The following PPP2R5E variants were observed in gnomAD, a reference collection of about 807,000 sequenced individuals.
The protein encoded by PPP2R5E is protein phosphatase 2 regulatory subunit B'epsilon.
PPP2R5E carries 4 observed loss-of-function variants against 65.3 expected under a neutral mutation model. That is an observed-to-expected ratio of 0.06 (90% confidence interval 0.03 to 0.14). The LOEUF is 0.14. PPP2R5E is among the 10% of genes least tolerant of loss of function. The pLI is 1.00. For missense variants in PPP2R5E, 274 were observed against 556.1 expected (o/e 0.49, Z 5.10); for synonymous variants, 183 against 187.4 (o/e 0.98, Z 0.19).
At chr14:63,449,868 TCCTA>T (rs1888710367) in intron 3 of PPP2R5E, among the ~76,000 whole-genome samples, 1 of 143,484 alleles carries the variant, frequency 7.0e-6, no homozygotes, top group Admixed American at 6.9e-5. Flanking sequence ...TCTTTTCTTT[TCCTA>T]TTTTTTTTTT....
intron 3 of PPP2R5E, among the ~76,000 whole-genome samples, chr14:63,446,242 T>C (rs956845265): frequency 3.9e-5 from 6 of 152,186 alleles, no homozygotes. Context: ...ACTCTCTCTA[T>C]TGAAGTCGAA....
chr14:63,470,259 A>G (rs1890048055), intron 2 of PPP2R5E, among the ~76,000 whole-genome samples: 1 of 152,060 alleles, frequency 6.6e-6, no homozygotes, highest in South Asian at 2.1e-4. Context: ...TTTTGTAAAG[A>G]CAGTGCTTCA....
chr14:63,508,100 C>T (rs1159399275), intron 2 of PPP2R5E: 11 of 973,054 alleles, frequency 1.1e-5, no homozygotes, highest in Non-Finnish European at 1.3e-5. Context: ...CCCTCCTTCC[C>T]ACCCCCACAC....
At chr14:63,497,228 G>A (rs1343769084) in intron 2 of PPP2R5E, among the ~76,000 whole-genome samples, 1 of 152,040 alleles carries the variant, frequency 6.6e-6, no homozygotes, top group Non-Finnish European at 1.5e-5. Context: ...ACGTATGACA[G>A]TATTTCCTTT....
intron 2 of PPP2R5E, among the ~76,000 whole-genome samples, chr14:63,483,634 G>A: frequency 6.6e-6 from 1 of 152,098 alleles, no homozygotes. Flanking sequence ...TCTGCTGTGG[G>A]GTCCAAGGGA....
rs181740390 is a variant in PPP2R5E, at chr14:63,443,683, A to G, written c.354+10006T>C. 5.3e-5 allele frequency among the ~76,000 whole-genome samples: 8 copies of G among 152,138 alleles called. No individual in the cohort carries two copies. In the East Asian group the frequency reaches 1.5e-3, roughly 29 times the overall value. On this transcript the variant is annotated intron_variant, in intron 3 of 13. Transcript: ENST00000337537. ...CCTACTTTCCACATCTAGGTCTCCCATAAGAACCTCAACATTAACTCATCG... is the reference window on the plus strand; with the variant it reads ...CCTACTTTCCACATCTAGGTCTCCCGTAAGAACCTCAACATTAACTCATCG...
rs553558617 is a variant in PPP2R5E, at chr14:63,527,459, C to T, written c.157+12070G>A. On this transcript the variant is annotated intron_variant, in intron 2 of 13. Coordinates refer to ENST00000337537, the MANE Select transcript of PPP2R5E (RefSeq NM_006246.5). ...AAAGGAACAAAAATCAACTAAAAGA[C>T]GTTAGTAAACATTTGCCATTGTGTA... Among the ~76,000 whole-genome samples, 4 of 152,286 alleles carry T rather than the reference C, an allele frequency of 2.6e-5. No homozygotes were observed. The South Asian group carries it at 6.2e-4, about 24-fold the overall frequency.
chr14:63,483,055 A>G lies in PPP2R5E; in HGVS notation c.158-29170T>C, dbSNP rs561345869. On this transcript the variant is annotated intron_variant, in intron 2 of 13. Transcript: ENST00000337537. ...CCCAGTGGCTCACACCTGTCATCCT[A>G]GGACTTTGGGAAGCTGAGGCAGGCA... is the stretch of plus-strand genomic sequence containing the variant. Among the ~76,000 whole-genome samples, 278 of 152,326 alleles carry G rather than the reference A, an allele frequency of 1.8e-3. 3 individuals are homozygous for G. Among genetic ancestry groups the G allele is most frequent in the Non-Finnish European group, 3.1e-3 (211 of 68,030 alleles).
chr14:63,393,480 A>G (rs1885141563), intron 8 of PPP2R5E, among the ~76,000 whole-genome samples: 1 of 152,140 alleles, frequency 6.6e-6, no homozygotes, highest in South Asian at 2.1e-4. Context: ...TTGGGAGGCC[A>G]AGGTGGGCGG....
Position 63,477,468 on chromosome 14 carries a change from G to A in PPP2R5E, c.158-23583C>T, listed in dbSNP as rs117266713. Among the ~76,000 whole-genome samples, 16 of 151,866 alleles carry A rather than the reference G, an allele frequency of 1.1e-4. 1 individual carries two copies. In the East Asian group the frequency reaches 2.9e-3, roughly 28 times the overall value. Reference sequence around the variant, plus strand: ...ACAAATGGAGAATCCAAGATACATAGAGACTAAGTATTTCACCCAAGGTCA... The same window carrying A: ...ACAAATGGAGAATCCAAGATACATAAAGACTAAGTATTTCACCCAAGGTCA... On this transcript the variant is annotated intron_variant, in intron 2 of 13. Transcript: ENST00000337537.
At chr14:63,538,174 T>A (rs1364791925) in intron 2 of PPP2R5E, among the ~76,000 whole-genome samples, 2 of 151,920 alleles carry the variant, frequency 1.3e-5, no homozygotes, top group Non-Finnish European at 2.9e-5. Flanking sequence ...TCCCAGCTAC[T>A]CGGGAAGTTG....
rs151270941 is a variant in PPP2R5E, at chr14:63,471,956, C to T, written c.158-18071G>A. On this transcript the variant is annotated intron_variant, in intron 2 of 13. Coordinates refer to ENST00000337537, the MANE Select transcript of PPP2R5E (RefSeq NM_006246.5). Reference sequence around the variant, plus strand: ...CTTTGTACCAAGCAAAATGCAACTACCAAGGGTTAGAAAGATTCTCCAGCT... The same window carrying T: ...CTTTGTACCAAGCAAAATGCAACTATCAAGGGTTAGAAAGATTCTCCAGCT... Among the ~76,000 whole-genome samples the T allele has an allele frequency of 9.0e-3, 1,377 of 152,262 alleles. 25 individuals are homozygous for T. The highest frequency in any genetic ancestry group is 0.032 in the African/African-American group (1,325 of 41,540).
chr14:63,514,301 TTGA>T (rs1211738856), intron 2 of PPP2R5E, among the ~76,000 whole-genome samples: 2 of 152,146 alleles, frequency 1.3e-5, no homozygotes, highest in African/African-American at 2.4e-5. Context: ...ACTGAAAAGA[TTGA>T]TAATAAAACC....
intron 5 of PPP2R5E, among the ~76,000 whole-genome samples, chr14:63,398,005 A>T (rs1403101047): frequency 7.2e-5 from 11 of 152,202 alleles, no homozygotes; most frequent in Admixed American, 6.5e-4. Context: ...CTGGGATTAG[A>T]GGTGTGAGCC....
Position 63,542,831 on chromosome 14 carries a change from G to A in PPP2R5E, c.-60C>T, listed in dbSNP as rs1374752734. 2.6e-5 allele frequency: 4 copies of A among 153,606 alleles called. No homozygotes were observed. Among genetic ancestry groups the A allele is most frequent in the Admixed American group, 6.5e-5 (1 of 15,298 alleles). 9.5% of individuals were successfully genotyped at this position (153,606 alleles called of 1,614,324 possible). A position where few individuals can be genotyped will look rare whatever the true frequency, so the allele number is the denominator to read the frequency against. ...GATGATCTGTGGCTTGGAGGGGCGG[G>A]AGACGGGCGAGGTGGCCGCAGCGGG... On this transcript the variant is annotated 5_prime_UTR_variant, in exon 1 of 14. Coordinates refer to ENST00000337537, the MANE Select transcript of PPP2R5E (RefSeq NM_006246.5).
chr14:63,530,630 CTTTTTTTT>C (rs954359159), intron 2 of PPP2R5E, among the ~76,000 whole-genome samples: 5 of 81,292 alleles, frequency 6.2e-5, no homozygotes, highest in Admixed American at 3.1e-4. Flanking sequence ...CTCTCAATTT[CTTTTTTTT>C]TTTTTTTTTT....
At chr14:63,499,324 G>T (rs1426609614) in intron 2 of PPP2R5E, among the ~76,000 whole-genome samples, 1 of 152,190 alleles carries the variant, frequency 6.6e-6, no homozygotes, top group Non-Finnish European at 1.5e-5. Context: ...CCACCTCACT[G>T]TGAAACTAGA....
chr14:63,529,856 T>C (rs965514923), intron 2 of PPP2R5E, among the ~76,000 whole-genome samples: 1 of 152,204 alleles, frequency 6.6e-6, no homozygotes, highest in African/African-American at 2.4e-5. Context: ...AAATATTGCA[T>C]ATAAATATCC....
intron 13 of PPP2R5E, among the ~76,000 whole-genome samples, chr14:63,376,497 A>T (rs988957877): frequency 6.6e-6 from 1 of 152,162 alleles, no homozygotes; most frequent in African/African-American, 2.4e-5. Context: ...AAAACTTGTG[A>T]TTTCACTTTT....
Sources: gnomAD v4.1 joint callset for allele counts (sites outside exome capture counted in the v4.1 genomes callset) on GRCh38, gnomAD v4.1.1 for gene constraint, MANE v1.5 for transcripts, NCBI Gene and HGNC (gene_info 2026-07-23, HGNC 2026-07-21) for gene names.